OR51B5: variants seen among roughly 807,000 people sequenced by gnomAD.
OR51B5 encodes olfactory receptor family 51 subfamily B member 5, also known as olfactory receptor 51B5.
For missense variants in OR51B5, 456 were observed against 374.6 expected (o/e 1.22, Z -1.79); for synonymous variants, 186 against 144.8 (o/e 1.28, Z -2.04).
At chr11:5,342,304 A>G (rs1185430159), downstream of OR51B5, among the ~76,000 whole-genome samples, 1 of 152,258 alleles carries the variant, frequency 6.6e-6, no homozygotes, top group East Asian at 1.9e-4. Context: ...TGTTAGTTAC[A>G]TTATAGACAT....
chr11:5,431,381 GC>G (rs1589993079), intron 1 of OR51B5: 2 of 245,378 alleles, frequency 8.2e-6, no homozygotes, highest in East Asian at 1.8e-4. Flanking sequence ...ACACAGAGAC[GC>G]CCACCTCAGT....
At chr11:5,480,817 G>C in intron 1 of OR51B5, among the ~76,000 whole-genome samples, 1 of 128,846 alleles carries the variant, frequency 7.8e-6, no homozygotes, top group Non-Finnish European at 1.7e-5. Flanking sequence ...GGAAGAAGTT[G>C]AATCTCTGAA....
chr11:5,466,298 ATATC>A (rs1460464067), intron 1 of OR51B5, among the ~76,000 whole-genome samples: 1 of 152,218 alleles, frequency 6.6e-6, no homozygotes, highest in African/African-American at 2.4e-5. Flanking sequence ...TAGTAAAACT[ATATC>A]TATATTTACA....
At chr11:5,427,184 CTTTCT>C (rs543405593) in intron 1 of OR51B5, among the ~76,000 whole-genome samples, 1,278 of 101,252 alleles carry the variant, frequency 0.013, 20 homozygotes, top group African/African-American at 0.033. Flanking sequence ...ACCGTCCAAC[CTTTCT>C]TTTGAGTTTC....
rs370270400 is a variant in OR51B5 at position 5,486,419 on chromosome 11, CG to C, written n.84+19149del. 4.6e-4 allele frequency among the ~76,000 whole-genome samples: 70 copies of C among 151,214 alleles called. 1 individual carries two copies. The South Asian group carries it at 0.013, about 29-fold the overall frequency. On this transcript the variant is annotated intron_variant and non_coding_transcript_variant, in intron 1 of 4. Transcript: ENST00000415970. ...ACAGTGACTGGTCCATGGTATGTGC[CG>C]CTAAATACTGTTGGGTTACTGGAGA... is the stretch of plus-strand genomic sequence containing the variant.
At chr11:5,381,124 A>T (rs1200062340) in intron 1 of OR51B5, among the ~76,000 whole-genome samples, 1 of 106,840 alleles carries the variant, frequency 9.4e-6, no homozygotes, top group Admixed American at 1.0e-4. Context: ...CCATACCCCC[A>T]CCCCACCTCT....
At chr11:5,358,790 C>G (rs540755306) in intron 1 of OR51B5, among the ~76,000 whole-genome samples, 1 of 152,302 alleles carries the variant, frequency 6.6e-6, no homozygotes, top group South Asian at 2.1e-4. Flanking sequence ...AAAAGCTTAT[C>G]CACCATGATC....
chr11:5,372,421 T>C (rs1849461375), intron 1 of OR51B5, among the ~76,000 whole-genome samples: 1 of 152,160 alleles, frequency 6.6e-6, no homozygotes, highest in Non-Finnish European at 1.5e-5. Flanking sequence ...CCACAGCCTC[T>C]CCAACCCCTA....
chr11:5,357,508 C>G (rs1335837824), intron 1 of OR51B5, among the ~76,000 whole-genome samples: 40 of 152,266 alleles, frequency 2.6e-4, no homozygotes, highest in South Asian at 4.1e-4. Context: ...GAGACTTAGA[C>G]TCTCACACAA....
At position 5,504,362 on chromosome 11, in the gene OR51B5, G is replaced by T. The variant is rs140815334; in HGVS notation, n.84+1207C>A. On this transcript the variant is annotated intron_variant and non_coding_transcript_variant, in intron 1 of 4. Transcript: ENST00000415970. ...TTTCTGCTTTCTAGCAAATCTCTTGGTCTGAAGAAAGAGTACAATTTCTTT... is the reference window on the plus strand; with the variant it reads ...TTTCTGCTTTCTAGCAAATCTCTTGTTCTGAAGAAAGAGTACAATTTCTTT... Among the ~76,000 whole-genome samples, 4 of 152,194 alleles carry T rather than the reference G, an allele frequency of 2.6e-5. No individual in the cohort carries two copies. The East Asian group carries it at 5.8e-4, about 22-fold the overall frequency.
intron 1 of OR51B5, among the ~76,000 whole-genome samples, chr11:5,361,704 A>G (rs181195694): frequency 4.4e-4 from 67 of 152,250 alleles, no homozygotes; most frequent in Admixed American, 1.6e-3. Flanking sequence ...GCAAATTCCT[A>G]GAAGAGGGAA....
chr11:5,421,741 T>C (rs1850341622), intron 1 of OR51B5, among the ~76,000 whole-genome samples: 1 of 152,182 alleles, frequency 6.6e-6, no homozygotes, highest in Non-Finnish European at 1.5e-5. Context: ...GTGAGAATGC[T>C]GCTACAAAAG....
intron 1 of OR51B5, among the ~76,000 whole-genome samples, chr11:5,386,372 G>C (rs544029047): frequency 9.9e-5 from 15 of 152,228 alleles, no homozygotes; most frequent in African/African-American, 3.6e-4. Context: ...ATCTTATCCT[G>C]ATTTTCGCTC....
At chr11:5,396,548 G>GACATA (rs547159555) in intron 1 of OR51B5, among the ~76,000 whole-genome samples, 2 of 14,184 alleles carry the variant, frequency 1.4e-4, no homozygotes, top group Non-Finnish European at 7.5e-4. Flanking sequence ...ACTGCTCAAG[G>GACATA]AAATAAGATA....
intron 1 of OR51B5, chr11:5,430,541 G>T: frequency 2.8e-6 from 1 of 363,386 alleles, no homozygotes. Context: ...GCAATACTTT[G>T]AATTCCTTGT....
chr11:5,354,472 AAAAAGTCC>A (rs72334686), intron 1 of OR51B5, among the ~76,000 whole-genome samples: 17,360 of 152,272 alleles, frequency 0.11, 1,078 homozygotes, highest in South Asian at 0.15. Context: ...GAGACAAGAT[AAAAAGTCC>A]AAGAGAGGTG....
At chr11:5,449,871 A>C (rs1850818096) in intron 1 of OR51B5, among the ~76,000 whole-genome samples, 1 of 152,200 alleles carries the variant, frequency 6.6e-6, no homozygotes, top group Non-Finnish European at 1.5e-5. Context: ...TAAACTGTAG[A>C]TGAACAATGA....
intron 1 of OR51B5, chr11:5,422,923 T>A (rs1190666159): frequency 1.2e-6 from 2 of 1,614,102 alleles, no homozygotes; most frequent in Admixed American, 3.3e-5. Flanking sequence ...GTGCCCTCAA[T>A]AACTGCCTGT....
intron 1 of OR51B5, among the ~76,000 whole-genome samples, chr11:5,478,770 GATGAAATGA>G (rs1851361838): frequency 6.6e-6 from 1 of 151,242 alleles, no homozygotes; most frequent in Non-Finnish European, 1.5e-5. Context: ...AGCAATGGAA[GATGAAATGA>G]ATGAAATGAA....
Sources: gnomAD v4.1 joint callset for allele counts (sites outside exome capture counted in the v4.1 genomes callset) on GRCh38, gnomAD v4.1.1 for gene constraint, MANE v1.5 for transcripts, NCBI Gene and HGNC (gene_info 2026-07-23, HGNC 2026-07-21) for gene names.